DPP6: variants seen among roughly 807,000 people sequenced by gnomAD.
DPP6 encodes dipeptidyl peptidase like 6, also known as A-type potassium channel modulatory protein DPP6.
A neutral mutation model predicts 122.6 loss-of-function variants in DPP6; 69 were observed. That is an observed-to-expected ratio of 0.56 (90% CI 0.46 to 0.69). The LOEUF (loss-of-function observed/expected upper bound fraction) is 0.69, where lower values mean the gene tolerates loss of function less well. Among genes scored for constraint, DPP6 ranks in the 30% least tolerant of loss-of-function variants. DPP6 has a pLI of 0.00. For synonymous variants in DPP6, 418 were observed against 433.1 expected (o/e 0.97, Z 0.43); for missense variants, 928 against 1,116.9 (o/e 0.83, Z 2.41).
chr7:153,851,223 G>T, the DPP6 span, among the ~76,000 whole-genome samples: 3 of 152,042 alleles, frequency 2.0e-5, no homozygotes, highest in East Asian at 1.9e-4. Flanking sequence ...TCTAAGCTGA[G>T]AATTTAAAAA....
At chr7:154,451,423 C>T (rs1256560386) in intron 2 of DPP6, among the ~76,000 whole-genome samples, 1 of 151,628 alleles carries the variant, frequency 6.6e-6, no homozygotes, top group African/African-American at 2.4e-5. Flanking sequence ...ACCGAAATGT[C>T]CACAGCAGCA....
intron 1 of DPP6, among the ~76,000 whole-genome samples, chr7:154,286,807 T>C (rs73167311): frequency 0.047 from 5,282 of 112,812 alleles, 128 homozygotes; most frequent in Non-Finnish European, 0.057. Context: ...ATTTCTTCTT[T>C]TTTTTTTTTT....
intron 5 of DPP6, among the ~76,000 whole-genome samples, chr7:154,637,446 C>A (rs924781572): frequency 6.6e-6 from 1 of 152,162 alleles, no homozygotes; most frequent in African/African-American, 2.4e-5. Flanking sequence ...GAACTCTAGC[C>A]GTACATGGGT....
At chr7:154,124,938 A>C (rs953269442) in intron 1 of DPP6, among the ~76,000 whole-genome samples, 3 of 152,234 alleles carry the variant, frequency 2.0e-5, no homozygotes, top group African/African-American at 7.2e-5. Flanking sequence ...CCTAGGAAGA[A>C]AAAGCAGGAA....
intron 6 of DPP6, among the ~76,000 whole-genome samples, chr7:154,654,713 C>T (rs1052546328): frequency 2.0e-5 from 3 of 151,846 alleles, no homozygotes; most frequent in East Asian, 1.9e-4. Context: ...CCACCGTGCC[C>T]GGCCCAAGTG....
intron 21 of DPP6, chr7:154,884,890 C>T (rs555859955): frequency 6.6e-6 from 1 of 152,522 alleles, no homozygotes; most frequent in Non-Finnish European, 1.5e-5. Flanking sequence ...TTTATACACA[C>T]ATATCACACA....
intron 5 of DPP6, chr7:154,588,032 G>A: frequency 1.9e-6 from 3 of 1,612,304 alleles, no homozygotes; most frequent in Non-Finnish European, 2.5e-6. Context: ...CTCACCCCGG[G>A]GATAATGCAC....
In DPP6 at chr7:154,598,047, C is replaced by A. The variant is rs199767143; in HGVS notation, c.627+31131C>A. ...CCTTTCTAAGTCCTGAGGATAACGACTCCAACATGTCTTTTCTAGGAGACA... is the reference window on the plus strand; with the variant it reads ...CCTTTCTAAGTCCTGAGGATAACGAATCCAACATGTCTTTTCTAGGAGACA... On this transcript the variant is annotated intron_variant, in intron 5 of 25. Coordinates refer to ENST00000377770, the MANE Select transcript of DPP6 (RefSeq NM_130797.4). 4.6e-5 allele frequency among the ~76,000 whole-genome samples: 7 copies of A among 152,266 alleles called. No individual in the cohort carries two copies. In the East Asian group the frequency reaches 1.2e-3, roughly 25 times the overall value.
chr7:154,749,823 T>A (rs62475820), intron 8 of DPP6, among the ~76,000 whole-genome samples: 4 of 99,936 alleles, frequency 4.0e-5, no homozygotes, highest in South Asian at 4.1e-4. Flanking sequence ...GGCTTTACTG[T>A]GAGAGTGTGA....
chr7:154,194,751 A>T (rs1798781919), intron 1 of DPP6, among the ~76,000 whole-genome samples: 1 of 152,190 alleles, frequency 6.6e-6, no homozygotes, highest in Non-Finnish European at 1.5e-5. Flanking sequence ...TTTTTCGTGG[A>T]CTTATTCGTC....
chr7:153,878,648 C>A, the DPP6 span, among the ~76,000 whole-genome samples: 1 of 152,146 alleles, frequency 6.6e-6, no homozygotes, highest in Non-Finnish European at 1.5e-5. Flanking sequence ...ACCAAGAAAT[C>A]TTTTGAGACA....
rs141021163 is a variant in DPP6 at position 154,415,352 on chromosome 7, T to C, written c.244-30862T>C. 6.0e-3 allele frequency among the ~76,000 whole-genome samples: 916 copies of C among 152,286 alleles called. 10 individuals carry two copies. Among genetic ancestry groups the C allele is most frequent in the African/African-American group, 0.02 (838 of 41,560 alleles). ...TACTCAGAATTAAGAAGGTAAAATA[T>C]GCCGCATATAATATATTCAATTCCT... On this transcript the variant is annotated intron_variant, in intron 1 of 25. Transcript: ENST00000377770.
At chr7:154,800,672 A>C (rs2150446733) in intron 12 of DPP6, among the ~76,000 whole-genome samples, 1 of 152,264 alleles carries the variant, frequency 6.6e-6, no homozygotes, top group African/African-American at 2.4e-5. Flanking sequence ...GGGAAAAGAG[A>C]CAGTAGATCC....
chr7:154,604,799 G>C lies in DPP6; in HGVS notation c.628-33022G>C, dbSNP rs1007056647. 1.7e-5 allele frequency among the ~76,000 whole-genome samples: 2 copies of C among 119,932 alleles called. 1 individual carries two copies. Among genetic ancestry groups the C allele is most frequent in the Non-Finnish European group, 3.8e-5 (2 of 53,200 alleles). The allele number at this position is 119,932 out of a possible 152,430, so 78.7% of individuals were successfully genotyped here. On this transcript the variant is annotated intron_variant, in intron 5 of 25. Coordinates refer to ENST00000377770, the MANE Select transcript of DPP6 (RefSeq NM_130797.4). ...AAGTTCAAATGGTTGGATTCTCTTG[G>C]ATAGTCTATATGGACATTTGTAAAC... is the stretch of plus-strand genomic sequence containing the variant.
chr7:153,925,287 G>A (rs181199679), intron 1 of DPP6, among the ~76,000 whole-genome samples: 2 of 152,250 alleles, frequency 1.3e-5, no homozygotes, highest in Non-Finnish European at 2.9e-5. Context: ...TCTGATGAAG[G>A]GAGATCATCC....
intron 1 of DPP6, among the ~76,000 whole-genome samples, chr7:154,220,148 A>G (rs11971228): frequency 0.032 from 4,807 of 152,274 alleles, 239 homozygotes; most frequent in African/African-American, 0.11. Flanking sequence ...CTAATGTGAT[A>G]GTATCAAGAG....
chr7:154,351,776 A>G (rs1810877672), intron 1 of DPP6, among the ~76,000 whole-genome samples: 1 of 152,172 alleles, frequency 6.6e-6, no homozygotes, highest in South Asian at 2.1e-4. Context: ...GAGCCAAGAC[A>G]GGACTCCAGA....
At chr7:154,288,154 A>G (rs564225129) in intron 1 of DPP6, among the ~76,000 whole-genome samples, 2 of 152,252 alleles carry the variant, frequency 1.3e-5, no homozygotes, top group South Asian at 2.1e-4. Flanking sequence ...CTTACTAGTT[A>G]CTGTTGGAGA....
the DPP6 span, among the ~76,000 whole-genome samples, chr7:153,828,376 G>A: frequency 4.2e-4 from 64 of 152,236 alleles, 2 homozygotes; most frequent in South Asian, 0.013. Context: ...GACCCAAAAT[G>A]ATACACGCAC....
Sources: gnomAD v4.1 joint callset for allele counts (sites outside exome capture counted in the v4.1 genomes callset) on GRCh38, gnomAD v4.1.1 for gene constraint, MANE v1.5 for transcripts, NCBI Gene and HGNC (gene_info 2026-07-23, HGNC 2026-07-21) for gene names.